CDC42EP3: variants seen among roughly 807,000 people sequenced by gnomAD.
The protein encoded by CDC42EP3 is CDC42 effector protein 3.
A neutral mutation model predicts 15.5 loss-of-function variants in CDC42EP3; 4 were observed. The observed-to-expected ratio is 0.26, with a 90% CI of 0.13 to 0.59. The LOEUF (loss-of-function observed/expected upper bound fraction) is 0.59. Ranked by LOEUF, CDC42EP3 falls within the 20% of genes least tolerant of loss-of-function variation. CDC42EP3 has a pLI of 0.89. For synonymous variants in CDC42EP3, 145 were observed against 130.3 expected (o/e 1.11, Z -0.77); for missense variants, 309 against 311.2 (o/e 0.99, Z 0.05).
intron 1 of CDC42EP3, among the ~76,000 whole-genome samples, chr2:37,668,655 G>GT (rs1425002689): frequency 6.6e-6 from 1 of 152,184 alleles, no homozygotes; most frequent in African/African-American, 2.4e-5. Context: ...GCACACGCAT[G>GT]TTTAGGTTTT....
rs142262614 is a variant in CDC42EP3, at chr2:37,663,901, G to A, written c.-236+7525C>T. Among the ~76,000 whole-genome samples, 1,270 of 152,260 alleles carry A rather than the reference G, an allele frequency of 8.3e-3. 12 individuals carry two copies. Among genetic ancestry groups the A allele is most frequent in the East Asian group, 0.033 (172 of 5,164 alleles). On this transcript the variant is annotated intron_variant, in intron 1 of 1. Transcript: ENST00000295324. ...TAAAAGCAGGCAGAGGAGGCCGGGC[G>A]CGGTGGCTCATGCCTGTAATCCCAG... is the stretch of plus-strand genomic sequence containing the variant.
intron 1 of CDC42EP3, among the ~76,000 whole-genome samples, chr2:37,648,200 G>C (rs1027160557): frequency 4.6e-5 from 7 of 152,222 alleles, no homozygotes; most frequent in African/African-American, 1.4e-4. Context: ...TGCTGACACA[G>C]AGAAGCTAAA....
chr2:37,668,604 G>A (rs570245498), intron 1 of CDC42EP3, among the ~76,000 whole-genome samples: 3 of 152,148 alleles, frequency 2.0e-5, no homozygotes, highest in African/African-American at 7.2e-5. Flanking sequence ...CTTTCACATA[G>A]GATTAGCCAC....
chr2:37,661,128 T>C lies in CDC42EP3; in HGVS notation c.-236+10298A>G, dbSNP rs79511051. ...TGTGTACAGTGTGTGTGTGTGTGTGTGCGTGTGTGTATAGTGTGTGTATAT... is the reference window on the plus strand; with the variant it reads ...TGTGTACAGTGTGTGTGTGTGTGTGCGCGTGTGTGTATAGTGTGTGTATAT... On this transcript the variant is annotated intron_variant, in intron 1 of 1. Coordinates refer to ENST00000295324, the MANE Select transcript of CDC42EP3 (RefSeq NM_006449.5). 1.3e-3 allele frequency among the ~76,000 whole-genome samples: 188 copies of C among 148,014 alleles called. 1 individual carries two copies. The highest frequency in any genetic ancestry group is 1.7e-3 in the South Asian group (8 of 4,630).
intron 1 of CDC42EP3, 28 bp from the exon 2 acceptor site, chr2:37,646,850 A>C (rs1665499165): frequency 3.1e-6 from 1 of 326,852 alleles, no homozygotes; most frequent in African/African-American, 2.2e-5. Context: ...GCAGGTTATA[A>C]GCTAAAGACC....
At position 37,645,670 on chromosome 2, in the gene CDC42EP3, A is replaced by G. The variant is rs536069214; in HGVS notation, c.*153T>C. 2 of 581,020 alleles carry G rather than the reference A, an allele frequency of 3.4e-6. No individual in the cohort carries two copies. The highest frequency in any genetic ancestry group is 1.0e-3 in the Middle Eastern group (2 of 1,920). The allele number at this position is 581,020 out of a possible 1,614,324, so 36.0% of individuals were successfully genotyped here. On this transcript the variant is annotated 3_prime_UTR_variant, in exon 2 of 2. Transcript: ENST00000295324. ...GTTTTTTTCTAAATTGTTTTTGCAAACAGGGCATAACAGGTAAAAAAATAC... is the reference window on the plus strand; with the variant it reads ...GTTTTTTTCTAAATTGTTTTTGCAAGCAGGGCATAACAGGTAAAAAAATAC...
chr2:37,646,654 G>A lies in CDC42EP3; in HGVS notation c.-67C>T, dbSNP rs1023935230. On this transcript the variant is annotated 5_prime_UTR_variant, in exon 2 of 2. Transcript: ENST00000295324. Reference sequence around the variant, plus strand: ...GCCACTTTCTTCACAGATGGTATATGTTTCTGAATCCTTTTTGATAGGAAC... The same window carrying A: ...GCCACTTTCTTCACAGATGGTATATATTTCTGAATCCTTTTTGATAGGAAC... The A allele has an allele frequency of 1.7e-5, 24 of 1,404,686 alleles. No homozygotes were observed. In the African/African-American group the frequency reaches 2.3e-4, roughly 14 times the overall value. The allele number at this position is 1,404,686 out of a possible 1,614,324, so 87.0% of individuals were successfully genotyped here.
chr2:37,671,823 G>GGTC (rs1558346273), upstream of CDC42EP3: 1 of 142,916 alleles, frequency 7.0e-6, no homozygotes, highest in Non-Finnish European at 1.6e-5. Flanking sequence ...GCGCGCGCGG[G>GGTC]GGGGGGTCAC....
At chr2:37,647,366 A>T (rs940262760) in intron 1 of CDC42EP3, 1 of 152,270 alleles carries the variant, frequency 6.6e-6, no homozygotes, top group African/African-American at 2.4e-5. Context: ...ACGGAGATTC[A>T]GGATAAGCCC....
intron 1 of CDC42EP3, among the ~76,000 whole-genome samples, chr2:37,656,092 C>T (rs1465445227): frequency 6.6e-6 from 1 of 152,214 alleles, no homozygotes; most frequent in Admixed American, 6.5e-5. Context: ...GACTTCCATG[C>T]TATTCTGCCA....
chr2:37,652,100 G>A (rs1176729239), intron 1 of CDC42EP3, among the ~76,000 whole-genome samples: 3 of 149,282 alleles, frequency 2.0e-5, no homozygotes, highest in East Asian at 2.0e-4. Context: ...GCATGAACCC[G>A]GGAGGCGGAG....
In CDC42EP3 at chr2:37,662,062, C is replaced by T. The variant is rs1474845196; in HGVS notation, c.-236+9364G>A. On this transcript the variant is annotated intron_variant, in intron 1 of 1. Transcript: ENST00000295324. ...TGATTCTATTTGCAGAAACATCTAG[C>T]GTCTAGGAAGTTTCCAAAAAAGAAA... Among the ~76,000 whole-genome samples the T allele has an allele frequency of 6.0e-5, 9 of 150,602 alleles. No individual in the cohort carries two copies. In the East Asian group the frequency reaches 1.2e-3, roughly 19 times the overall value.
intron 1 of CDC42EP3, among the ~76,000 whole-genome samples, chr2:37,657,012 C>T (rs1167250627): frequency 8.1e-6 from 1 of 124,142 alleles, no homozygotes; most frequent in Non-Finnish European, 1.6e-5. Context: ...CCGCCATCCT[C>T]GAGGAGAAAA....
intron 1 of CDC42EP3, among the ~76,000 whole-genome samples, chr2:37,655,259 C>G (rs944807500): frequency 9.9e-5 from 15 of 152,216 alleles, no homozygotes; most frequent in Non-Finnish European, 4.4e-5. Flanking sequence ...TCTCACCTTC[C>G]ATTATTTTAA....
chr2:37,653,576 C>T lies in CDC42EP3; in HGVS notation c.-235-6754G>A, dbSNP rs60947839. Among the ~76,000 whole-genome samples the T allele has an allele frequency of 5.9e-5, 9 of 152,058 alleles. No homozygotes were observed. In the East Asian group the frequency reaches 9.6e-4, roughly 16 times the overall value. On this transcript the variant is annotated intron_variant, in intron 1 of 1. Transcript: ENST00000295324. ...CAGCCAGGAGGAAGGGAAAATCAAG[C>T]GGTTTTAAAAAATGACAGACAGAAA...
In CDC42EP3 at chr2:37,658,089, G is replaced by A. The variant is rs1047358882; in HGVS notation, c.-235-11267C>T. On this transcript the variant is annotated intron_variant, in intron 1 of 1. Coordinates refer to ENST00000295324, the MANE Select transcript of CDC42EP3 (RefSeq NM_006449.5). ...GTTGGCATTTTCATAGGGTTGGATG[G>A]CTGCTGCCCATCCCCCACTCCTCAA... Among the ~76,000 whole-genome samples, 9 of 152,262 alleles carry A rather than the reference G, an allele frequency of 5.9e-5. No individual in the cohort carries two copies. The East Asian group carries it at 9.7e-4, about 16-fold the overall frequency.
intron 1 of CDC42EP3, among the ~76,000 whole-genome samples, chr2:37,656,993 CCCCGCCCCCCGCCATCCTCGAGGAGAAAA>C (rs1558340435): frequency 5.7e-5 from 5 of 87,032 alleles, no homozygotes; most frequent in African/African-American, 2.8e-4. Context: ...CCCCCCCACC[CCCCGCCCCCCGCCATCCTCGAGGAGAAAA>C]ACAAACATCC....
intron 1 of CDC42EP3, among the ~76,000 whole-genome samples, chr2:37,652,174 CA>C (rs61407687): frequency 0.013 from 524 of 39,072 alleles, no homozygotes; most frequent in African/African-American, 0.054. Flanking sequence ...GACTCCCTCT[CA>C]AAAAAAAAAA....
intron 1 of CDC42EP3, among the ~76,000 whole-genome samples, chr2:37,666,613 G>C (rs1666257752): frequency 6.6e-6 from 1 of 152,106 alleles, no homozygotes; most frequent in Admixed American, 6.5e-5. Context: ...GCAAACACTA[G>C]TTTGGAACTC....
Sources: gnomAD v4.1 joint callset for allele counts (sites outside exome capture counted in the v4.1 genomes callset) on GRCh38, gnomAD v4.1.1 for gene constraint, MANE v1.5 for transcripts, NCBI Gene and HGNC (gene_info 2026-07-23, HGNC 2026-07-21) for gene names.